TENM3: variants seen among roughly 807,000 people sequenced by gnomAD.
The protein encoded by TENM3 is teneurin-3.
In TENM3, 63 loss-of-function variants were observed where a neutral mutation model predicts 255.1. The ratio of observed to expected loss-of-function variants is 0.25; its 90% CI spans 0.20 to 0.30. The LOEUF is 0.30. Ranked by LOEUF, TENM3 falls within the 10% of genes least tolerant of loss-of-function variation. The pLI, the probability that TENM3 is intolerant of heterozygous loss-of-function variation, is 1.00. For missense variants in TENM3, 2,929 were observed against 3,461.1 expected, an observed-to-expected ratio of 0.85 and a Z score of 3.86; for synonymous variants, 1,306 against 1,322.3, an observed-to-expected ratio of 0.99 and a Z score of 0.27.
chr4:182,452,916 T>C (rs1246433725), intron 3 of TENM3, among the ~76,000 whole-genome samples: 1 of 152,170 alleles, frequency 6.6e-6, no homozygotes, highest in African/African-American at 2.4e-5. Flanking sequence ...TTGACCTGAA[T>C]TGAGTTCTCT....
At chr4:181,557,843 T>C in the TENM3 span, among the ~76,000 whole-genome samples, 1 of 152,182 alleles carries the variant, frequency 6.6e-6, no homozygotes, top group African/African-American at 2.4e-5. Context: ...TCCATATATT[T>C]CTACATAAGT....
chr4:182,515,020 C>G (rs1364940628), intron 3 of TENM3, among the ~76,000 whole-genome samples: 1 of 152,132 alleles, frequency 6.6e-6, no homozygotes, highest in Non-Finnish European at 1.5e-5. Flanking sequence ...AGGGAATAAT[C>G]AGCAGTGTCA....
At chr4:182,275,810 G>T (rs1759961943) in intron 1 of TENM3, among the ~76,000 whole-genome samples, 1 of 152,064 alleles carries the variant, frequency 6.6e-6, no homozygotes, top group African/African-American at 2.4e-5. Context: ...GGTGCCGCAT[G>T]CTTGAAGTGC....
intron 1 of TENM3, among the ~76,000 whole-genome samples, chr4:182,207,754 A>T (rs1405630931): frequency 6.6e-6 from 1 of 152,142 alleles, no homozygotes; most frequent in Non-Finnish European, 1.5e-5. Context: ...TAACTTTAGA[A>T]CTCCTAAAAA....
At chr4:182,606,779 A>G (rs567963637) in intron 4 of TENM3, among the ~76,000 whole-genome samples, 1 of 152,320 alleles carries the variant, frequency 6.6e-6, no homozygotes, top group South Asian at 2.1e-4. Context: ...CTGTAGCCTC[A>G]ACTTGATTGT....
chr4:182,611,311 A>C (rs1748980846), intron 4 of TENM3, among the ~76,000 whole-genome samples: 2 of 137,308 alleles, frequency 1.5e-5, no homozygotes, highest in East Asian at 4.0e-4. Flanking sequence ...ACAGATTAAG[A>C]ATTGAAAGGA....
chr4:182,481,629 T>C (rs1184834381), intron 3 of TENM3, among the ~76,000 whole-genome samples: 1 of 152,142 alleles, frequency 6.6e-6, no homozygotes, highest in African/African-American at 2.4e-5. Context: ...ACCCCGTCTC[T>C]ACTAAAATAC....
the TENM3 span, among the ~76,000 whole-genome samples, chr4:181,695,760 C>T: frequency 4.6e-5 from 7 of 152,072 alleles, no homozygotes; most frequent in Non-Finnish European, 8.8e-5. Flanking sequence ...TAAGCAGAGC[C>T]GGTTAACTTT....
chr4:181,897,106 A>G, the TENM3 span, among the ~76,000 whole-genome samples: 1 of 152,114 alleles, frequency 6.6e-6, no homozygotes, highest in Non-Finnish European at 1.5e-5. Flanking sequence ...CCCTAGCCCA[A>G]TTGTTCCTTC....
Position 182,621,695 on chromosome 4 carries a change from T to TAAATA in TENM3, c.750-6956_750-6955insAAATA, listed in dbSNP as rs1750205859. 5.6e-4 allele frequency among the ~76,000 whole-genome samples: 3 copies of TAAATA among 5,378 alleles called. No homozygotes were observed. The South Asian group carries it at 0.1, about 179-fold the overall frequency. 3.5% of individuals were successfully genotyped at this position (5,378 alleles called of 152,430 possible). On this transcript the variant is annotated intron_variant, in intron 4 of 27. Coordinates refer to ENST00000511685, the MANE Select transcript of TENM3 (RefSeq NM_001080477.4). ...ATATATATAAAATATATAATATATA[T>TAAATA]TATATATAAAATATATAATATATAT... is the stretch of plus-strand genomic sequence containing the variant.
At chr4:181,883,537 C>T in the TENM3 span, among the ~76,000 whole-genome samples, 1 of 152,096 alleles carries the variant, frequency 6.6e-6, no homozygotes, top group Admixed American at 6.6e-5. Flanking sequence ...TGCTGTGGTG[C>T]GATCTCGGCT....
chr4:182,217,089 C>T (rs1408464743), intron 1 of TENM3, among the ~76,000 whole-genome samples: 3 of 125,618 alleles, frequency 2.4e-5, no homozygotes, highest in African/African-American at 6.1e-5. Flanking sequence ...GGTGTGATCT[C>T]GGCTCACTGC....
the TENM3 span, among the ~76,000 whole-genome samples, chr4:181,606,681 C>CT: frequency 1.3e-5 from 2 of 151,998 alleles, no homozygotes; most frequent in African/African-American, 4.8e-5. Flanking sequence ...GCCAGGCAGT[C>CT]TTTTTTGTAT....
At chr4:182,631,893 TA>T (rs1751405771) in intron 5 of TENM3, among the ~76,000 whole-genome samples, 1 of 152,188 alleles carries the variant, frequency 6.6e-6, no homozygotes, top group African/African-American at 2.4e-5. Context: ...TTCTCTAAGG[TA>T]AGTTGTCTCA....
chr4:182,144,268 G>GCGCGTCCCCCGC (rs1169195882), upstream of TENM3: 1 of 150,664 alleles, frequency 6.6e-6, no homozygotes, highest in Non-Finnish European at 1.5e-5. Flanking sequence ...ACTCGGCCCG[G>GCGCGTCCCCCGC]CGCGTCCCCC....
At chr4:182,218,579 G>A (rs1397287030) in intron 1 of TENM3, among the ~76,000 whole-genome samples, 3 of 152,126 alleles carry the variant, frequency 2.0e-5, no homozygotes, top group African/African-American at 4.8e-5. Flanking sequence ...TTCAAATCTT[G>A]TGATCTTTAC....
At chr4:181,974,434 G>C in the TENM3 span, among the ~76,000 whole-genome samples, 1 of 152,074 alleles carries the variant, frequency 6.6e-6, no homozygotes, top group Non-Finnish European at 1.5e-5. Context: ...CAGGCATGCT[G>C]GTGCATGCCT....
chr4:182,403,890 T>A (rs935324622), intron 3 of TENM3, among the ~76,000 whole-genome samples: 6 of 152,136 alleles, frequency 3.9e-5, no homozygotes, highest in African/African-American at 1.4e-4. Context: ...AGCTAATTTT[T>A]AAAAATTTCT....
At chr4:181,767,972 T>G in the TENM3 span, among the ~76,000 whole-genome samples, 10 of 152,110 alleles carry the variant, frequency 6.6e-5, no homozygotes, top group Non-Finnish European at 1.5e-4. Context: ...TTTAAATTAA[T>G]GCATATTGAC....
Sources: allele counts gnomAD v4.1 joint callset (sites outside exome capture counted in the v4.1 genomes callset), GRCh38; gene constraint gnomAD v4.1.1; transcripts MANE v1.5; gene names NCBI Gene and HGNC (gene_info 2026-07-23, HGNC 2026-07-21).